Variants in SLIT1 observed in about 807,000 individuals in gnomAD.
SLIT1 encodes slit homolog 1 protein.
In SLIT1, 66 loss-of-function variants were observed where a neutral mutation model predicts 186.1. The ratio of observed to expected loss-of-function variants is 0.35; its 90% CI spans 0.29 to 0.44. The LOEUF (loss-of-function observed/expected upper bound fraction) is 0.44. Ranked by LOEUF, SLIT1 falls within the 20% of genes least tolerant of loss-of-function variation. The pLI, the probability that SLIT1 is intolerant of heterozygous loss-of-function variation, is 1.00. For missense variants in SLIT1, 1,638 were observed against 2,037.4 expected (o/e 0.80, Z 3.77); for synonymous variants, 761 against 833.8 (o/e 0.91, Z 1.50).
chr10:97,152,692 C>T (rs1468293068), intron 4 of SLIT1, among the ~76,000 whole-genome samples: 6 of 152,194 alleles, frequency 3.9e-5, no homozygotes, highest in South Asian at 2.1e-4. Context: ...CTACCGTAAA[C>T]GTAACACATG....
rs192519369 is a variant in SLIT1 at position 97,017,178 on chromosome 10, G to A, written c.2969+1408C>T. Among the ~76,000 whole-genome samples, 59 of 152,338 alleles carry A rather than the reference G, an allele frequency of 3.9e-4. 1 individual carries two copies. Among genetic ancestry groups the A allele is most frequent in the Middle Eastern group, 6.8e-3 (2 of 294 alleles). The stretch of plus-strand genomic sequence containing the variant: ...GGTGTCCTTTCAGCCCCCAGCTGGG[G>A]CGTCTCAGGAATGAGGAGGGCGCGC... On this transcript the variant is annotated intron_variant, in intron 28 of 36. Transcript: ENST00000266058.
At chr10:97,183,090 C>T (rs1407482425) in intron 1 of SLIT1, among the ~76,000 whole-genome samples, 1 of 152,166 alleles carries the variant, frequency 6.6e-6, no homozygotes, top group Non-Finnish European at 1.5e-5. Context: ...CTGTGCTTGG[C>T]AAAATCCAAA....
Position 97,049,017 on chromosome 10 carries a change from C to G in SLIT1, c.1403G>C (p.Ser468Thr). ...GCGCTTGTTGGCGAGGCGCCGGGGA[C>G]TGGCACAGCGGGCACCACTCGTCTC... is the stretch of plus-strand genomic sequence containing the variant. ...PIETSGARCA[S>T]PRRLANKRIG... Residue 468 changes from serine to threonine, a missense_variant, in exon 14 of 37, where the codon AGT becomes ACT. Coordinates refer to ENST00000266058, the MANE Select transcript of SLIT1 (RefSeq NM_003061.3). The G allele has an allele frequency of 6.2e-7, 1 of 1,611,578 alleles. No individual in the cohort carries two copies. The highest frequency in any genetic ancestry group is 8.5e-7 in the Non-Finnish European group (1 of 1,179,430).
At chr10:97,165,878 C>G (rs1188810028) in intron 1 of SLIT1, among the ~76,000 whole-genome samples, 3 of 152,130 alleles carry the variant, frequency 2.0e-5, no homozygotes, top group African/African-American at 7.2e-5. Context: ...ACCTGAGGAG[C>G]TGTCTGCCCC....
rs570960880 is a variant in SLIT1 at position 97,130,642 on chromosome 10, T to C, written c.413+27176A>G. Among the ~76,000 whole-genome samples the C allele has an allele frequency of 6.1e-4, 93 of 152,328 alleles. 2 individuals carry two copies. In the South Asian group the frequency reaches 0.019, roughly 31 times the overall value. On this transcript the variant is annotated intron_variant, in intron 4 of 36. Transcript: ENST00000266058. ...GCCTAGGTTCAAGTCCTGGCTCTTC[T>C]TCTTTCTAAGTGTGTGATACTGAGC...
intron 11 of SLIT1, 113 bp from the exon 12 acceptor site, chr10:97,057,394 C>T (rs1416889876): frequency 2.7e-6 from 2 of 740,008 alleles, no homozygotes; most frequent in African/African-American, 3.5e-5. Flanking sequence ...TTACATGGAG[C>T]ACATCCTAAT....
At chr10:97,038,281 C>T (rs1848659585) in intron 21 of SLIT1, among the ~76,000 whole-genome samples, 1 of 152,170 alleles carries the variant, frequency 6.6e-6, no homozygotes, top group East Asian at 1.9e-4. Flanking sequence ...GTCGCTTCTC[C>T]TCCTCCCTCT....
Position 97,060,679 on chromosome 10 carries a change from G to C in SLIT1, c.902C>G (p.Thr301Ser), listed in dbSNP as rs746482080. 6.2e-7 allele frequency: 1 copy of C among 1,613,440 alleles called. No individual in the cohort carries two copies. Among genetic ancestry groups the C allele is most frequent in the African/African-American group, 1.3e-5 (1 of 74,944 alleles). ...CTCGGGCAGGTTGGCCGGGATGGCA[G>C]TGAGGCCTTTTCCACGACAGTCCAC... ...GIVDCRGKGL[T>S]AIPANLPETM... Residue 301 changes from threonine (T) to serine (S), a missense_variant, in exon 9 of 37, where the codon ACT (threonine) becomes AGT (serine). Coordinates refer to ENST00000266058, the MANE Select transcript of SLIT1 (RefSeq NM_003061.3).
chr10:97,153,864 A>T (rs1468220878), intron 4 of SLIT1: 1 of 152,186 alleles, frequency 6.6e-6, no homozygotes, highest in African/African-American at 2.4e-5. Context: ...AGATATTCAG[A>T]AATAACGAGA....
In SLIT1 at chr10:97,129,954, G is replaced by A. The variant is rs767424608; in HGVS notation, c.413+27864C>T. On this transcript the variant is annotated intron_variant, in intron 4 of 36. Transcript: ENST00000266058. ...CCACAAAACCCACAACTACTCACCC[G>A]GTTCTCAGGCCCTGGCATTGCTCCT... 7.2e-5 allele frequency among the ~76,000 whole-genome samples: 11 copies of A among 152,102 alleles called. No homozygotes were observed. The East Asian group carries it at 1.2e-3, about 16-fold the overall frequency.
At chr10:97,031,343 G>A (rs897394425) in intron 24 of SLIT1, among the ~76,000 whole-genome samples, 1 of 152,156 alleles carries the variant, frequency 6.6e-6, no homozygotes, top group African/African-American at 2.4e-5. Flanking sequence ...CAAATGAAGG[G>A]CCACCTTATT....
Position 97,004,552 on chromosome 10 carries a change from C to T in SLIT1, c.3710+141G>A. 1 of 1,025,906 alleles carries T rather than the reference C, an allele frequency of 9.7e-7. No individual in the cohort carries two copies. The highest frequency in any genetic ancestry group is 1.5e-6 in the Non-Finnish European group (1 of 682,176). 63.6% of individuals were successfully genotyped at this position (1,025,906 alleles called of 1,614,324 possible). A position where few individuals can be genotyped will look rare whatever the true frequency, so the allele number is the denominator to read the frequency against. ...GACCTCAGCCCCAAGCTGGGGCTAA[C>T]CCAGATGGTTCAAGTGTCCTTCAAA... On this transcript the variant is annotated intron_variant, in intron 33 of 36. Transcript: ENST00000266058. This position sits in a 1 kb window ranked among gnomAD's most constrained non-coding sequence, Gnocchi z 5.1.
At chr10:97,094,997 G>C (rs1381519311) in intron 4 of SLIT1, among the ~76,000 whole-genome samples, 1 of 152,180 alleles carries the variant, frequency 6.6e-6, no homozygotes, top group African/African-American at 2.4e-5. Flanking sequence ...GAGAGAGAGA[G>C]ATAGGCCAGG....
chr10:97,094,627 T>C (rs1001353687), intron 4 of SLIT1, among the ~76,000 whole-genome samples: 6 of 152,176 alleles, frequency 3.9e-5, no homozygotes, highest in Non-Finnish European at 7.3e-5. Context: ...ATAAGAGGAA[T>C]GCAGCTGTGT....
intron 26 of SLIT1, among the ~76,000 whole-genome samples, chr10:97,020,528 CTG>C (rs1491095606): frequency 5.2e-5 from 8 of 152,390 alleles, no homozygotes; most frequent in African/African-American, 1.7e-4. Flanking sequence ...GCCGTTACGG[CTG>C]TGACAGCATC....
chr10:97,006,468 C>T lies in SLIT1; in HGVS notation c.3579+15G>A. On this transcript the variant is annotated intron_variant, in intron 32 of 36. Coordinates refer to ENST00000266058, the MANE Select transcript of SLIT1 (RefSeq NM_003061.3). This position sits in a 1 kb window ranked among gnomAD's most constrained non-coding sequence, Gnocchi z 4.0. ...TCCCTGACTCCCCTCTGTGACCAAG[C>T]CCCCTGGCACGCACCTGCAACGTGA... is the stretch of plus-strand genomic sequence containing the variant. The T allele has an allele frequency of 6.3e-7, 1 of 1,593,760 alleles. No individual in the cohort carries two copies. The highest frequency in any genetic ancestry group is 8.6e-7 in the Non-Finnish European group (1 of 1,161,946).
At chr10:97,042,807 T>C (rs966963434) in intron 20 of SLIT1, 94 bp downstream of exon 20, 107 of 1,356,162 alleles carry the variant, frequency 7.9e-5, no homozygotes, top group Non-Finnish European at 1.1e-4. Flanking sequence ...TGCCAGGGGG[T>C]GCTGCCTGTC....
In SLIT1 at chr10:97,012,128, A is replaced by G. The variant is rs913440733; in HGVS notation, c.3204-998T>C. 6.4e-4 allele frequency among the ~76,000 whole-genome samples: 85 copies of G among 133,002 alleles called. 2 individuals are homozygous for G. The highest frequency in any genetic ancestry group is 3.2e-4 in the African/African-American group (11 of 34,796). 87.3% of individuals were successfully genotyped at this position (133,002 alleles called of 152,430 possible). A position where few individuals can be genotyped will look rare whatever the true frequency, so the allele number is the denominator to read the frequency against. On this transcript the variant is annotated intron_variant, in intron 30 of 36. Coordinates refer to ENST00000266058, the MANE Select transcript of SLIT1 (RefSeq NM_003061.3). Reference sequence around the variant, plus strand: ...CACACACACACACACACACACACACACGCACACATTCGAAACCAGATTCAT... The same window carrying G: ...CACACACACACACACACACACACACGCGCACACATTCGAAACCAGATTCAT...
At chr10:97,082,591 T>C (rs1182582836) in intron 4 of SLIT1, among the ~76,000 whole-genome samples, 3 of 151,994 alleles carry the variant, frequency 2.0e-5, no homozygotes, top group African/African-American at 4.8e-5. Flanking sequence ...CCCGCCACCA[T>C]GCCCAGCTAA....
Sources: allele counts gnomAD v4.1 joint callset (sites outside exome capture counted in the v4.1 genomes callset), GRCh38; gene constraint gnomAD v4.1.1; non-coding constraint Gnocchi (gnomAD v3.1); transcripts MANE v1.5; gene names NCBI Gene and HGNC (gene_info 2026-07-23, HGNC 2026-07-21).